CFD: variants seen among roughly 807,000 people sequenced by gnomAD.
CFD encodes the protein complement factor D.
CFD carries 24 observed loss-of-function variants against 21.1 expected under a neutral mutation model. That is an observed-to-expected ratio of 1.14 (90% confidence interval 0.82 to 1.60). CFD has a LOEUF of 1.60. Ranked by LOEUF, CFD falls within the 40% of genes most tolerant of loss-of-function variation. The pLI, the probability that CFD is intolerant of heterozygous loss-of-function variation, is 0.00. For missense variants in CFD, 535 were observed against 383.3 expected (o/e 1.40, Z -3.31); for synonymous variants, 242 against 175.9 (o/e 1.38, Z -2.97).
rs772074605 is a variant in CFD at position 863,414 on chromosome 19, G to A, written c.*176G>A. On this transcript the variant is annotated 3_prime_UTR_variant, in exon 5 of 5. Coordinates refer to ENST00000327726, the MANE Select transcript of CFD (RefSeq NM_001928.4). The stretch of plus-strand genomic sequence containing the variant: ...GAGATCAGCATGGGCCACGTAGCGC[G>A]ACTCCATCTCTACAAATAAATAAAA... 18 of 706,666 alleles carry A rather than the reference G, an allele frequency of 2.5e-5. No individual in the cohort carries two copies. In the East Asian group the frequency reaches 3.3e-4, roughly 13 times the overall value. The allele number at this position is 706,666 out of a possible 1,614,324, so 43.8% of individuals were successfully genotyped here.
Position 863,383 on chromosome 19 carries a change from G to A in CFD, c.*145G>A, listed in dbSNP as rs1325659562. On this transcript the variant is annotated 3_prime_UTR_variant, in exon 5 of 5. Transcript: ENST00000327726. ...AGGTGGGAGGATCATTGGATCTCAG[G>A]AGTTCGAGATCAGCATGGGCCACGT... 5.1e-6 allele frequency: 5 copies of A among 983,026 alleles called. No individual in the cohort carries two copies. The allele number at this position is 983,026 out of a possible 1,614,324, so 60.9% of individuals were successfully genotyped here. A position where few individuals can be genotyped will look rare whatever the true frequency, so the allele number is the denominator to read the frequency against.
In CFD at chr19:860,940, C is replaced by A. The variant is rs771039898; in HGVS notation, c.292C>A (p.Leu98Ile). ...GCCCTCCAAGCGCCTGTACGACGTG[C>A]TCCGCGCAGTGCCCCACCCGGACAG... Reference protein sequence around the residue: ...PEPSKRLYDVLRAVPHPDSQP... With the variant: ...PEPSKRLYDVIRAVPHPDSQP... The change falls in exon 3 of 5, where the codon CTC (leucine) becomes ATC (isoleucine). Residue 98 changes from leucine to isoleucine, a missense_variant. Physicochemically the swap from Leu to Ile is conservative, Grantham distance 5 (BLOSUM62 2). Coordinates refer to ENST00000327726, the MANE Select transcript of CFD (RefSeq NM_001928.4). 6.2e-7 allele frequency: 1 copy of A among 1,601,296 alleles called. No homozygotes were observed. Among genetic ancestry groups the A allele is most frequent in the Admixed American group, 1.7e-5 (1 of 59,862 alleles).
rs1173115393 is a variant in CFD, at chr19:860,670, C to T, written c.109C>T (p.Arg37Trp). 4 of 1,512,446 alleles carry T rather than the reference C, an allele frequency of 2.6e-6. No homozygotes were observed. The highest frequency in any genetic ancestry group is 2.9e-5 in the African/African-American group (2 of 69,318). The allele number at this position is 1,512,446 out of a possible 1,614,324, so 93.7% of individuals were successfully genotyped here. A position where few individuals can be genotyped will look rare whatever the true frequency, so the allele number is the denominator to read the frequency against. Reference protein sequence around the residue: ...LGGREAEAHARPYMASVQLNG... With the variant: ...LGGREAEAHAWPYMASVQLNG... ...CGGCAGAGAGGCCGAGGCGCACGCG[C>T]GGCCCTACATGGCGTCGGTGCAGCT... Residue 37 changes from arginine (R) to tryptophan (W), a missense_variant, in exon 2 of 5, where the codon CGG becomes TGG. Coordinates refer to ENST00000327726, the MANE Select transcript of CFD (RefSeq NM_001928.4).
rs1466038190 is a variant in CFD, at chr19:861,010, G to A, written c.357+5G>A. 4 of 1,596,964 alleles carry A rather than the reference G, an allele frequency of 2.5e-6. No homozygotes were observed. The highest frequency in any genetic ancestry group is 1.1e-5 in the South Asian group (1 of 90,852). On this transcript the variant is annotated splice_donor_5th_base_variant and intron_variant, in intron 3 of 4. Transcript: ENST00000327726. ...CACGACCTCCTGCTGCTACAGGTCG[G>A]CCCCGTGTAGCGCAGTCCCTCCTGC...
At position 861,883 on chromosome 19, in the gene CFD, G is replaced by A; in HGVS notation, c.542G>A (p.Arg181Gln). The change falls in exon 4 of 5, where the codon CGG (arginine) becomes CAG (glutamine). Residue 181 changes from arginine (R) to glutamine (Q), a missense_variant. Transcript: ENST00000327726. ...GTGCTGGACCGCGCCACCTGCAACC[G>A]GCGCACGCACCACGACGGCGCCATC... ...LPVLDRATCNRRTHHDGAITE... is the reference protein window; with the variant it reads ...LPVLDRATCNQRTHHDGAITE... 1 of 1,589,334 alleles carries A rather than the reference G, an allele frequency of 6.3e-7. No homozygotes were observed. Among genetic ancestry groups the A allele is most frequent in the African/African-American group, 1.3e-5 (1 of 74,786 alleles).
intron 1 of CFD, 61 bp downstream of exon 1, chr19:859,805 C>T: frequency 1.5e-6 from 2 of 1,338,556 alleles, no homozygotes. Flanking sequence ...TGCTCCCTTC[C>T]GTCACACGGA....
In CFD at chr19:860,117, T is replaced by C. The variant is rs376848512; in HGVS notation, c.55+373T>C. Reference sequence around the variant, plus strand: ...CCAGCCCACTGTGGGTTCTGTACTCTGGGGCATTCCCGCCCGAGGGTATCT... The same window carrying C: ...CCAGCCCACTGTGGGTTCTGTACTCCGGGGCATTCCCGCCCGAGGGTATCT... On this transcript the variant is annotated intron_variant, in intron 1 of 4. Coordinates refer to ENST00000327726, the MANE Select transcript of CFD (RefSeq NM_001928.4). Among the ~76,000 whole-genome samples, 13 of 151,928 alleles carry C rather than the reference T, an allele frequency of 8.6e-5. No individual in the cohort carries two copies. The East Asian group carries it at 2.3e-3, about 27-fold the overall frequency.
In CFD at chr19:861,829, C is replaced by G; in HGVS notation, c.488C>G (p.Pro163Arg). 1 of 1,601,516 alleles carries G rather than the reference C, an allele frequency of 6.2e-7. No homozygotes were observed. Among genetic ancestry groups the G allele is most frequent in the Middle Eastern group, 1.7e-4 (1 of 6,048 alleles). The stretch of plus-strand genomic sequence containing the variant: ...ATAGTCAACCACGCGGGCCGCCGCC[C>G]GGACAGCCTGCAGCACGTGCTCTTG... Reference protein sequence around the residue: ...WGIVNHAGRRPDSLQHVLLPV... With the variant: ...WGIVNHAGRRRDSLQHVLLPV... Residue 163 changes from proline to arginine, a missense_variant, in exon 4 of 5, where the codon CCG (proline) becomes CGG (arginine). Physicochemically the swap from Pro to Arg is moderately radical, Grantham distance 103. Transcript: ENST00000327726.
In CFD at chr19:860,921, C is replaced by T; in HGVS notation, c.273C>T (p.Ser91=). ...ACTCCCTGTCGCAGCCGGAGCCCTC[C>T]AAGCGCCTGTACGACGTGCTCCGCG... ...GAHSLSQPEP[S]KRLYDVLRAV... Residue 91 remains serine (S), a synonymous_variant, in exon 3 of 5, where the codon TCC becomes TCT. Transcript: ENST00000327726. The T allele has an allele frequency of 1.3e-6, 2 of 1,599,626 alleles. No individual in the cohort carries two copies. Among genetic ancestry groups the T allele is most frequent in the Non-Finnish European group, 1.7e-6 (2 of 1,178,314 alleles).
chr19:861,678 G>A, intron 3 of CFD, 21 bp from the exon 4 acceptor site: 2 of 1,587,636 alleles, frequency 1.3e-6, no homozygotes, highest in Non-Finnish European at 1.7e-6. Context: ...CCCCAACCCT[G>A]ACGTCCGCCT....
intron 3 of CFD, 56 bp downstream of exon 3, chr19:861,061 C>G (rs2035784876): frequency 6.4e-7 from 1 of 1,557,056 alleles, no homozygotes; most frequent in African/African-American, 1.4e-5. Context: ...GGCCCACCCT[C>G]ACTCCACCCC....
chr19:860,846 C>T lies in CFD; in HGVS notation c.213-15C>T. 2 of 1,561,940 alleles carry T rather than the reference C, an allele frequency of 1.3e-6. No homozygotes were observed. Among genetic ancestry groups the T allele is most frequent in the Non-Finnish European group, 1.7e-6 (2 of 1,160,388 alleles). On this transcript the variant is annotated splice_polypyrimidine_tract_variant and intron_variant, in intron 2 of 4. Coordinates refer to ENST00000327726, the MANE Select transcript of CFD (RefSeq NM_001928.4). ...AGTCGGCTGGCACCGACCGCGGACT[C>T]CGTCCGGTCCCCAGGGCCGACGGGA...
chr19:860,912 G>A lies in CFD; in HGVS notation c.264G>A (p.Pro88=). Residue 88 remains proline, a synonymous_variant, in exon 3 of 5, where the codon CCG becomes CCA. Coordinates refer to ENST00000327726, the MANE Select transcript of CFD (RefSeq NM_001928.4). ...TGGGCGCGCACTCCCTGTCGCAGCC[G>A]GAGCCCTCCAAGCGCCTGTACGACG... The part of the protein sequence containing the change: ...VLLGAHSLSQ[P]EPSKRLYDVL... 1 of 1,596,272 alleles carries A rather than the reference G, an allele frequency of 6.3e-7. No homozygotes were observed. Among genetic ancestry groups the A allele is most frequent in the Non-Finnish European group, 8.5e-7 (1 of 1,176,806 alleles).
Position 860,879 on chromosome 19 carries a change from G to A in CFD, c.231G>A (p.Gln77=), listed in dbSNP as rs2145160949. Residue 77 remains glutamine, a synonymous_variant, in exon 3 of 5, where the codon CAG becomes CAA. Coordinates refer to ENST00000327726, the MANE Select transcript of CFD (RefSeq NM_001928.4). The part of the protein sequence containing the change: ...CLEDAADGKV[Q]VLLGAHSLSQ... ...TCCCCAGGGCCGACGGGAAGGTGCA[G>A]GTTCTCCTGGGCGCGCACTCCCTGT... 6.3e-7 allele frequency: 1 copy of A among 1,580,816 alleles called. No individual in the cohort carries two copies. The highest frequency in any genetic ancestry group is 8.6e-7 in the Non-Finnish European group (1 of 1,169,388).
intron 4 of CFD, among the ~76,000 whole-genome samples, chr19:862,803 C>T (rs1026207239): frequency 2.7e-4 from 2 of 7,414 alleles, no homozygotes; most frequent in Non-Finnish European, 1.1e-3. Flanking sequence ...GGTGTGGGAC[C>T]CCCATACTGG....
intron 4 of CFD, 52 bp from the exon 5 acceptor site, chr19:863,040 G>A: frequency 1.4e-6 from 2 of 1,472,798 alleles, no homozygotes; most frequent in Non-Finnish European, 1.8e-6. Context: ...TCTAACACGT[G>A]AGGCCGGGGT....
chr19:862,616 G>A (rs974688252), intron 4 of CFD, among the ~76,000 whole-genome samples: 1 of 151,908 alleles, frequency 6.6e-6, no homozygotes, highest in Admixed American at 6.6e-5. Context: ...TCCTGAGCAG[G>A]GCAGAGGTTT....
Position 863,333 on chromosome 19 carries a change from C to CTACT in CFD, c.*96_*99dup. ...CATCTGGTTGGTCTTTATTGAGCAC[C>CTACT]TACTATATGCAGAAGGGGAGGCCGA... On this transcript the variant is annotated 3_prime_UTR_variant, in exon 5 of 5. Coordinates refer to ENST00000327726, the MANE Select transcript of CFD (RefSeq NM_001928.4). 1 of 1,432,500 alleles carries CTACT rather than the reference C, an allele frequency of 7.0e-7. No individual in the cohort carries two copies. 88.7% of individuals were successfully genotyped at this position (1,432,500 alleles called of 1,614,324 possible). A position where few individuals can be genotyped will look rare whatever the true frequency, so the allele number is the denominator to read the frequency against.
At chr19:860,440 C>T (rs1284793498) in intron 1 of CFD, among the ~76,000 whole-genome samples, 177 bp from the exon 2 acceptor site, 5 of 148,190 alleles carry the variant, frequency 3.4e-5, no homozygotes, top group Admixed American at 6.7e-5. Context: ...ACCCCCCCCT[C>T]CCCCCCCGCC....
Sources: allele counts gnomAD v4.1 joint callset (sites outside exome capture counted in the v4.1 genomes callset), GRCh38; gene constraint gnomAD v4.1.1; transcripts MANE v1.5; gene names NCBI Gene and HGNC (gene_info 2026-07-23, HGNC 2026-07-21).